The following HTR1A variants were observed in gnomAD, a reference collection of about 807,000 sequenced individuals.
HTR1A encodes the protein 5-HT1a receptor.
Under a neutral mutation model 24.6 loss-of-function variants are expected in HTR1A, and 17 were observed. That is an observed-to-expected ratio of 0.69 (90% CI 0.47 to 1.04). The LOEUF (loss-of-function observed/expected upper bound fraction) is 1.04. Among genes scored for constraint, HTR1A ranks in the 50% least tolerant of loss-of-function variants. The pLI is 0.00. For missense variants in HTR1A, 515 were observed against 565.1 expected, an observed-to-expected ratio of 0.91 and a Z score of 0.90; for synonymous variants, 262 against 244.6, an observed-to-expected ratio of 1.07 and a Z score of -0.67.
In HTR1A at chr5:63,961,757, A is replaced by G; in HGVS notation, c.-38T>C. On this transcript the variant is annotated 5_prime_UTR_variant, in exon 1 of 1. Coordinates refer to ENST00000323865, the MANE Select transcript of HTR1A (RefSeq NM_000524.4). ...GGCGCGGGAAGGGGGAGGGAAGAAA[A>G]AGCAGCGCGAAGATTCGCCTCGCCC... is the stretch of plus-strand genomic sequence containing the variant. The G allele has an allele frequency of 6.2e-7, 1 of 1,607,988 alleles. No individual in the cohort carries two copies. The highest frequency in any genetic ancestry group is 8.5e-7 in the Non-Finnish European group (1 of 1,175,038).
In HTR1A at chr5:63,959,943, G is replaced by A. The variant is rs926906482; in HGVS notation, c.*508C>T. ...ATGAAAAAAAGAAAAGATAAAAATG[G>A]GGAGAAAAAGGTGAATATTTCAAGG... On this transcript the variant is annotated 3_prime_UTR_variant, in exon 1 of 1. Coordinates refer to ENST00000323865, the MANE Select transcript of HTR1A (RefSeq NM_000524.4). Among the ~76,000 whole-genome samples, 1 of 152,172 alleles carries A rather than the reference G, an allele frequency of 6.6e-6. No individual in the cohort carries two copies. The highest frequency in any genetic ancestry group is 2.4e-5 in the African/African-American group (1 of 41,440).
At position 63,961,727 on chromosome 5, in the gene HTR1A, C is replaced by T. The variant is rs1561279508; in HGVS notation, c.-8G>A. The T allele has an allele frequency of 1.9e-6, 3 of 1,613,716 alleles. 1 individual carries two copies. Among genetic ancestry groups the T allele is most frequent in the East Asian group, 4.5e-5 (2 of 44,834 alleles). ...AGGGCTGAGCACATCCATGCCTGCG[C>T]GCCCGGCGCGGGAAGGGGGAGGGAA... is the stretch of plus-strand genomic sequence containing the variant. On this transcript the variant is annotated 5_prime_UTR_variant, in exon 1 of 1. Transcript: ENST00000323865.
In HTR1A at chr5:63,961,514, T is replaced by G. The variant is rs753240653; in HGVS notation, c.206A>C (p.Asn69Thr). 5 of 1,614,116 alleles carry G rather than the reference T, an allele frequency of 3.1e-6. No individual in the cohort carries two copies. Among genetic ancestry groups the G allele is most frequent in the Non-Finnish European group, 3.4e-6 (4 of 1,180,052 alleles). The part of the protein sequence containing the change: ...AAIALERSLQ[N>T]VANYLIGSLA... ...AGAGCCAATAAGATAATTGGCCACG[T>G]TCTGCAGGGAGCGCTCCAAGGCGAT... The change falls in exon 1 of 1, where the codon AAC (asparagine) becomes ACC (threonine). Residue 69 changes from asparagine to threonine, a missense_variant. This residue lies in a region of HTR1A where 80 missense variants were observed against 130.8 expected (regional missense o/e 0.61). Coordinates refer to ENST00000323865, the MANE Select transcript of HTR1A (RefSeq NM_000524.4).
In HTR1A at chr5:63,962,115, G is replaced by A. The variant is rs977470487; in HGVS notation, c.-396C>T. Reference sequence around the variant, plus strand: ...TCCAATCCCAGAAATATCTAGAACCGAGAAGCCCCATCCTCCACGGTCACT... The same window carrying A: ...TCCAATCCCAGAAATATCTAGAACCAAGAAGCCCCATCCTCCACGGTCACT... On this transcript the variant is annotated 5_prime_UTR_variant, in exon 1 of 1. Transcript: ENST00000323865. 5.9e-6 allele frequency: 2 copies of A among 338,114 alleles called. No homozygotes were observed. Among genetic ancestry groups the A allele is most frequent in the Non-Finnish European group, 1.1e-5 (2 of 176,216 alleles). 20.9% of individuals were successfully genotyped at this position (338,114 alleles called of 1,614,324 possible). A position where few individuals can be genotyped will look rare whatever the true frequency, so the allele number is the denominator to read the frequency against.
In HTR1A at chr5:63,959,736, T is replaced by TG. The variant is rs1263445815; in HGVS notation, c.*714dup. Among the ~76,000 whole-genome samples the TG allele has an allele frequency of 6.6e-6, 1 of 152,194 alleles. No homozygotes were observed. Among genetic ancestry groups the TG allele is most frequent in the Non-Finnish European group, 1.5e-5 (1 of 68,038 alleles). ...CTCTAAAAGATACCTTCTAGCCACT[T>TG]GCTTTGAGTCCAAGGAAACAAAGGA... is the stretch of plus-strand genomic sequence containing the variant. On this transcript the variant is annotated 3_prime_UTR_variant, in exon 1 of 1. Transcript: ENST00000323865.
In HTR1A at chr5:63,961,391, T is replaced by C; in HGVS notation, c.329A>G (p.Asp110Gly). Reference protein sequence around the residue: ...NKWTLGQVTCDLFIALDVLCC... With the variant: ...NKWTLGQVTCGLFIALDVLCC... ...CAGCACGTCGAGGGCGATGAACAGG[T>C]CGCAGGTTACCTGGCCCAGTGTCCA... Residue 110 changes from aspartate (D) to glycine (G), a missense_variant, in exon 1 of 1, where the codon GAC becomes GGC. Physicochemically the swap from Asp to Gly is moderately conservative, Grantham distance 94. Transcript: ENST00000323865. The C allele has an allele frequency of 6.2e-7, 1 of 1,613,732 alleles. No homozygotes were observed. The highest frequency in any genetic ancestry group is 8.5e-7 in the Non-Finnish European group (1 of 1,179,810).
At position 63,960,589 on chromosome 5, in the gene HTR1A, C is replaced by A; in HGVS notation, c.1131G>T (p.Met377Ile). ...TGATTATGGCGCCCAACAGGGTGGGCATGTGGCAGCTGCTCTCGCAGAAGG... is the reference window on the plus strand; with the variant it reads ...TGATTATGGCGCCCAACAGGGTGGGAATGTGGCAGCTGCTCTCGCAGAAGG... ...VLPFCESSCH[M>I]PTLLGAIINW... The change falls in exon 1 of 1, where the codon ATG (methionine) becomes ATT (isoleucine). Residue 377 changes from methionine to isoleucine, a missense_variant. This residue lies in a region of HTR1A where 381 missense variants were observed against 384.5 expected (regional missense o/e 0.99). Transcript: ENST00000323865. 1.2e-6 allele frequency: 2 copies of A among 1,614,186 alleles called. No homozygotes were observed. Among genetic ancestry groups the A allele is most frequent in the Non-Finnish European group, 1.7e-6 (2 of 1,180,036 alleles).
chr5:63,960,463 G>A lies in HTR1A; in HGVS notation c.1257C>T (p.Phe419=). Residue 419 remains phenylalanine, a synonymous_variant, in exon 1 of 1, where the codon TTC becomes TTT. Transcript: ENST00000323865. ...TACTCCTCCGTCATCACTGGCGGCA[G>A]AACTTACACTTAATGATCTTCTTAA... ...NAFKKIIKCK[F]CRQ 1.2e-6 allele frequency: 2 copies of A among 1,614,210 alleles called. No individual in the cohort carries two copies. The highest frequency in any genetic ancestry group is 1.7e-6 in the Non-Finnish European group (2 of 1,180,044).
In HTR1A at chr5:63,962,415, C is replaced by T. The variant is rs897554522; in HGVS notation, c.-696G>A. On this transcript the variant is annotated 5_prime_UTR_variant, in exon 1 of 1. Coordinates refer to ENST00000323865, the MANE Select transcript of HTR1A (RefSeq NM_000524.4). ...CCGCCCTCCTCTCCCTCTAGCTCAG[C>T]GTCTTTGCATTCGAGTCTCTTTTTG... 1.4e-4 allele frequency: 22 copies of T among 156,304 alleles called. No homozygotes were observed. Among genetic ancestry groups the T allele is most frequent in the African/African-American group, 5.3e-4 (22 of 41,538 alleles). 9.7% of individuals were successfully genotyped at this position (156,304 alleles called of 1,614,324 possible).
At position 63,962,134 on chromosome 5, in the gene HTR1A, G is replaced by A. The variant is rs1746453203; in HGVS notation, c.-415C>T. ...AGAACCGAGAAGCCCCATCCTCCAC[G>A]GTCACTCTGTGACCCTCCTCTCCCT... On this transcript the variant is annotated 5_prime_UTR_variant, in exon 1 of 1. Transcript: ENST00000323865. 3.1e-6 allele frequency: 1 copy of A among 320,590 alleles called. No homozygotes were observed. The allele number at this position is 320,590 out of a possible 1,614,324, so 19.9% of individuals were successfully genotyped here. A position where few individuals can be genotyped will look rare whatever the true frequency, so the allele number is the denominator to read the frequency against.
chr5:63,960,662 G>T lies in HTR1A; in HGVS notation c.1058C>A (p.Thr353Asn). 6.2e-7 allele frequency: 1 copy of T among 1,614,220 alleles called. No homozygotes were observed. Among genetic ancestry groups the T allele is most frequent in the Non-Finnish European group, 8.5e-7 (1 of 1,180,036 alleles). Residue 353 changes from threonine to asparagine, a missense_variant, in exon 1 of 1, where the codon ACC becomes AAC. Transcript: ENST00000323865. ...TVKTLGIIMG[T>N]FILCWLPFFI... is the part of the protein sequence containing the mutation. ...GAAGGGCAGCCAGCAGAGGATGAAG[G>T]TGCCCATGATGATGCCCAGCGTCTT...
At position 63,958,987 on chromosome 5, in the gene HTR1A, T is replaced by C. The variant is rs1281713325; in HGVS notation, c.*1464A>G. 6.6e-6 allele frequency among the ~76,000 whole-genome samples: 1 copy of C among 152,196 alleles called. No individual in the cohort carries two copies. Among genetic ancestry groups the C allele is most frequent in the East Asian group, 1.9e-4 (1 of 5,186 alleles). The stretch of plus-strand genomic sequence containing the variant: ...ACAGATAGTGCTAACCTATGGACTA[T>C]CTGGGCATTCCATTGAAAGCCCAGA... On this transcript the variant is annotated 3_prime_UTR_variant, in exon 1 of 1. Coordinates refer to ENST00000323865, the MANE Select transcript of HTR1A (RefSeq NM_000524.4).
At position 63,960,713 on chromosome 5, in the gene HTR1A, G is replaced by A. The variant is rs1746411260; in HGVS notation, c.1007C>T (p.Ala336Val). 6.2e-7 allele frequency: 1 copy of A among 1,614,124 alleles called. No individual in the cohort carries two copies. The highest frequency in any genetic ancestry group is 1.3e-5 in the African/African-American group (1 of 74,952). The change falls in exon 1 of 1, where the codon GCC becomes GTC. Residue 336 changes from alanine to valine, a missense_variant. Around this residue, in one of 3 missense-constraint regions of HTR1A, gnomAD observed 381 missense variants for 384.5 expected, o/e 0.99. Coordinates refer to ENST00000323865, the MANE Select transcript of HTR1A (RefSeq NM_000524.4). ...CACTGTCTTCCTCTCTCGGGCCAGG[G>A]CCATCTTGCGCTTCGCCTCGGCGTT... is the stretch of plus-strand genomic sequence containing the variant. The part of the protein sequence containing the change: ...ERNAEAKRKM[A>V]LARERKTVKT...
chr5:63,962,043 T>C lies in HTR1A; in HGVS notation c.-324A>G, dbSNP rs529245227. On this transcript the variant is annotated 5_prime_UTR_variant, in exon 1 of 1. Transcript: ENST00000323865. The stretch of plus-strand genomic sequence containing the variant: ...GTCGCTGTCCATTTTACTTTGCCGC[T>C]CCCGAACTGGCTGCCGGAGCTGGAG... 1.4e-5 allele frequency: 6 copies of C among 441,970 alleles called. No individual in the cohort carries two copies. The highest frequency in any genetic ancestry group is 1.2e-4 in the African/African-American group (6 of 50,222). 27.4% of individuals were successfully genotyped at this position (441,970 alleles called of 1,614,324 possible).
chr5:63,958,855 G>A lies in HTR1A; in HGVS notation c.*1596C>T, dbSNP rs946481044. On this transcript the variant is annotated 3_prime_UTR_variant, in exon 1 of 1. Transcript: ENST00000323865. Reference sequence around the variant, plus strand: ...CGCAGACCCTTGGTACAGCAGAATGGTCACGCTAGGGAGCAATTAATCCCA... The same window carrying A: ...CGCAGACCCTTGGTACAGCAGAATGATCACGCTAGGGAGCAATTAATCCCA... Among the ~76,000 whole-genome samples, 3 of 152,070 alleles carry A rather than the reference G, an allele frequency of 2.0e-5. No homozygotes were observed. Among genetic ancestry groups the A allele is most frequent in the African/African-American group, 7.2e-5 (3 of 41,412 alleles).
rs1053058397 is a variant in HTR1A at position 63,958,816 on chromosome 5, A to G, written c.*1635T>C. ...TGGAATGCTGCACAATTCAAAGGGCAAAAAGGTGGTTTCCGCAGACCCTTG... is the reference window on the plus strand; with the variant it reads ...TGGAATGCTGCACAATTCAAAGGGCGAAAAGGTGGTTTCCGCAGACCCTTG... On this transcript the variant is annotated 3_prime_UTR_variant, in exon 1 of 1. Coordinates refer to ENST00000323865, the MANE Select transcript of HTR1A (RefSeq NM_000524.4). 1.3e-5 allele frequency among the ~76,000 whole-genome samples: 2 copies of G among 152,174 alleles called. No homozygotes were observed. The highest frequency in any genetic ancestry group is 2.9e-5 in the Non-Finnish European group (2 of 68,032).
chr5:63,959,266 C>CT lies in HTR1A; in HGVS notation c.*1184dup, dbSNP rs1215301605. Among the ~76,000 whole-genome samples the CT allele has an allele frequency of 6.6e-6, 1 of 152,250 alleles. No individual in the cohort carries two copies. The highest frequency in any genetic ancestry group is 1.5e-5 in the Non-Finnish European group (1 of 68,048). Reference sequence around the variant, plus strand: ...TCTTTGCCGCCCCTGCGTGTCGCCCCTTTAAAGCCTTCTTGGTCTCTCCAA... The same window carrying CT: ...TCTTTGCCGCCCCTGCGTGTCGCCCCTTTTAAAGCCTTCTTGGTCTCTCCAA... On this transcript the variant is annotated 3_prime_UTR_variant, in exon 1 of 1. Transcript: ENST00000323865.
rs1746393247 is a variant in HTR1A at position 63,960,124 on chromosome 5, A to G, written c.*327T>C. 6.6e-6 allele frequency among the ~76,000 whole-genome samples: 1 copy of G among 152,160 alleles called. No homozygotes were observed. Among genetic ancestry groups the G allele is most frequent in the Non-Finnish European group, 1.5e-5 (1 of 68,042 alleles). On this transcript the variant is annotated 3_prime_UTR_variant, in exon 1 of 1. Transcript: ENST00000323865. The stretch of plus-strand genomic sequence containing the variant: ...GCCTTGAACTAAGCATTAAACATCC[A>G]CCGCAAAGATTTAGGAGATAGAAGA...
chr5:63,960,478 G>C lies in HTR1A; in HGVS notation c.1242C>G (p.Ile414Met). 6.2e-7 allele frequency: 1 copy of C among 1,614,202 alleles called. No homozygotes were observed. Among genetic ancestry groups the C allele is most frequent in the Non-Finnish European group, 8.5e-7 (1 of 1,180,032 alleles). The change falls in exon 1 of 1, where the codon ATC (isoleucine) becomes ATG (methionine). Residue 414 changes from isoleucine (I) to methionine (M), a missense_variant. By Grantham distance (10) the Ile-to-Met change is conservative. Around this residue, in one of 3 missense-constraint regions of HTR1A, gnomAD observed 381 missense variants for 384.5 expected, o/e 0.99. Transcript: ENST00000323865. ...NKDFQNAFKKIIKCKFCRQ is the reference protein window; with the variant it reads ...NKDFQNAFKKMIKCKFCRQ Reference sequence around the variant, plus strand: ...ACTGGCGGCAGAACTTACACTTAATGATCTTCTTAAACGCGTTTTGAAAGT... The same window carrying C: ...ACTGGCGGCAGAACTTACACTTAATCATCTTCTTAAACGCGTTTTGAAAGT...
Sources: gnomAD v4.1 joint callset for allele counts (sites outside exome capture counted in the v4.1 genomes callset) on GRCh38, gnomAD v4.1.1 for gene constraint, gnomAD v4.1.1 regional missense constraint, MANE v1.5 for transcripts, NCBI Gene and HGNC (gene_info 2026-07-23, HGNC 2026-07-21) for gene names.